The following WWOX variants were observed in gnomAD, a reference collection of about 807,000 sequenced individuals.
WWOX encodes the protein WW domain containing oxidoreductase.
A neutral mutation model predicts 46.2 loss-of-function variants in WWOX; 69 were observed. That is an observed-to-expected ratio of 1.49 (90% CI 1.23 to 1.82). The LOEUF is 1.82. WWOX is among the 40% of genes most tolerant of loss of function. WWOX has a pLI of 0.00. For synonymous variants in WWOX, 359 were observed against 202.6 expected, an observed-to-expected ratio of 1.77 and a Z score of -6.56; for missense variants, 919 against 542.6, an observed-to-expected ratio of 1.69 and a Z score of -6.89.
At chr16:78,810,634 G>A (rs539958810) in intron 8 of WWOX, among the ~76,000 whole-genome samples, 9 of 152,084 alleles carry the variant, frequency 5.9e-5, no homozygotes, top group Non-Finnish European at 1.2e-4. Flanking sequence ...TATTTCTTCC[G>A]CTGAACAGGA....
chr16:78,718,314 A>C (rs1314711315), intron 8 of WWOX, among the ~76,000 whole-genome samples: 4 of 152,072 alleles, frequency 2.6e-5, no homozygotes, highest in Non-Finnish European at 5.9e-5. Flanking sequence ...ACTGGATACC[A>C]TCATAAAAGA....
chr16:78,715,821 C>A (rs1026508568), intron 8 of WWOX, among the ~76,000 whole-genome samples: 3 of 152,176 alleles, frequency 2.0e-5, no homozygotes, highest in Non-Finnish European at 2.9e-5. Context: ...TTTCTAGAAT[C>A]TATCAACTCC....
At chr16:78,579,957 GGA>G (rs2045007310) in intron 8 of WWOX, among the ~76,000 whole-genome samples, 1 of 152,154 alleles carries the variant, frequency 6.6e-6, no homozygotes, top group Non-Finnish European at 1.5e-5. Flanking sequence ...TGGCTGTGAG[GGA>G]GTCTTCTGAG....
chr16:79,024,842 T>C lies in WWOX; in HGVS notation c.1057-186766T>C, dbSNP rs1000946728. Among the ~76,000 whole-genome samples the C allele has an allele frequency of 2.0e-5, 3 of 152,262 alleles. No homozygotes were observed. The East Asian group carries it at 5.8e-4, about 29-fold the overall frequency. The stretch of plus-strand genomic sequence containing the variant: ...TCCTCTGCCTCAGAAAGTGCTGGGA[T>C]TACAGGCGTGAGCCACCACACCTGG... On this transcript the variant is annotated intron_variant, in intron 8 of 8. Coordinates refer to ENST00000566780, the MANE Select transcript of WWOX (RefSeq NM_016373.4).
chr16:78,387,874 G>C (rs1463349420), intron 6 of WWOX, among the ~76,000 whole-genome samples: 1 of 152,060 alleles, frequency 6.6e-6, no homozygotes, highest in Non-Finnish European at 1.5e-5. Context: ...AGAGGCACCA[G>C]AACCACTGAA....
chr16:79,181,482 A>G (rs147553240), intron 8 of WWOX, among the ~76,000 whole-genome samples: 7 of 152,290 alleles, frequency 4.6e-5, no homozygotes, highest in African/African-American at 9.6e-5. Flanking sequence ...GTCAGGTGAC[A>G]TAATTTTGTA....
At chr16:78,589,702 T>G (rs947774916) in intron 8 of WWOX, among the ~76,000 whole-genome samples, 1 of 152,214 alleles carries the variant, frequency 6.6e-6, no homozygotes, top group African/African-American at 2.4e-5. Flanking sequence ...TAAAGACTTG[T>G]GAAGGTAAAA....
intron 8 of WWOX, among the ~76,000 whole-genome samples, chr16:78,522,280 C>A (rs182761657): frequency 2.6e-5 from 4 of 151,198 alleles, no homozygotes; most frequent in Non-Finnish European, 4.4e-5. Context: ...AAAAAAAAAA[C>A]TAGTGAAATC....
intron 5 of WWOX, among the ~76,000 whole-genome samples, chr16:78,358,183 A>G (rs143128048): frequency 1.5e-4 from 23 of 152,340 alleles, no homozygotes; most frequent in African/African-American, 5.3e-4. Flanking sequence ...TTAATCAACA[A>G]TTCTCCTATC....
chr16:78,696,796 C>A (rs1001477451), intron 8 of WWOX, among the ~76,000 whole-genome samples: 3 of 152,080 alleles, frequency 2.0e-5, no homozygotes, highest in Middle Eastern at 3.2e-3. Context: ...AGTTTGTACT[C>A]CTTTATGCCT....
chr16:79,082,912 G>A (rs1048585120), intron 8 of WWOX, among the ~76,000 whole-genome samples: 4 of 152,112 alleles, frequency 2.6e-5, no homozygotes, highest in Non-Finnish European at 5.9e-5. Flanking sequence ...GGAGGGGCTC[G>A]GTTTTGGGAG....
chr16:78,591,645 C>G (rs1253488647), intron 8 of WWOX, among the ~76,000 whole-genome samples: 1 of 152,174 alleles, frequency 6.6e-6, no homozygotes, highest in African/African-American at 2.4e-5. Context: ...TCTCAGCTGA[C>G]CAAGCTCTAA....
intron 8 of WWOX, among the ~76,000 whole-genome samples, chr16:78,812,106 T>G (rs1597654097): frequency 2.0e-5 from 3 of 151,810 alleles, no homozygotes; most frequent in Admixed American, 1.3e-4. Context: ...AACCCCAAAG[T>G]CCCCAGCCAC....
intron 8 of WWOX, among the ~76,000 whole-genome samples, chr16:78,776,761 A>G (rs917434230): frequency 5.3e-5 from 8 of 152,156 alleles, no homozygotes; most frequent in South Asian, 2.1e-4. Context: ...TGCACCTTAC[A>G]TGGCGGCAGG....
intron 4 of WWOX, among the ~76,000 whole-genome samples, chr16:78,152,280 T>G (rs973452394): frequency 1.3e-5 from 2 of 152,228 alleles, no homozygotes; most frequent in Admixed American, 6.5e-5. Context: ...AACACAGTAT[T>G]TTGTCCTATT....
At chr16:79,198,054 G>T (rs1019093353) in intron 8 of WWOX, among the ~76,000 whole-genome samples, 5 of 152,124 alleles carry the variant, frequency 3.3e-5, no homozygotes, top group African/African-American at 1.2e-4. Flanking sequence ...GCTGGGCATG[G>T]TGGCTCATGC....
At chr16:78,608,116 C>G (rs1472480301) in intron 8 of WWOX, among the ~76,000 whole-genome samples, 5 of 152,154 alleles carry the variant, frequency 3.3e-5, no homozygotes, top group Non-Finnish European at 1.5e-5. Context: ...TGGCTTTCTC[C>G]AAGCCTGAGA....
At chr16:78,623,684 G>A (rs1296487981) in intron 8 of WWOX, among the ~76,000 whole-genome samples, 1 of 150,416 alleles carries the variant, frequency 6.6e-6, no homozygotes, top group East Asian at 1.9e-4. Context: ...GTTATTAGCT[G>A]AGTCATGTCA....
intron 5 of WWOX, among the ~76,000 whole-genome samples, chr16:78,336,023 C>G (rs1214524437): frequency 6.6e-6 from 1 of 151,594 alleles, no homozygotes; most frequent in Non-Finnish European, 1.5e-5. Flanking sequence ...ACCTGGGAGG[C>G]AGATGTTGCA....
Sources: allele counts gnomAD v4.1 joint callset (sites outside exome capture counted in the v4.1 genomes callset), GRCh38; gene constraint gnomAD v4.1.1; transcripts MANE v1.5; gene names NCBI Gene and HGNC (gene_info 2026-07-23, HGNC 2026-07-21).